The following KIAA1217 variants were observed in gnomAD, a reference collection of about 807,000 sequenced individuals.
KIAA1217 encodes KIAA1217, also known as sickle tail protein homolog.
In KIAA1217, 88 loss-of-function variants were observed where a neutral mutation model predicts 163.9. That is an observed-to-expected ratio of 0.54 (90% CI 0.45 to 0.64). The LOEUF is 0.64. Among genes scored for constraint, KIAA1217 ranks in the 30% least tolerant of loss-of-function variants. The pLI is 0.00. For missense variants in KIAA1217, 2,372 were observed against 2,475.0 expected, an observed-to-expected ratio of 0.96 and a Z score of 0.88; for synonymous variants, 903 against 923.1, an observed-to-expected ratio of 0.98 and a Z score of 0.39.
intron 2 of KIAA1217, among the ~76,000 whole-genome samples, chr10:24,376,939 C>A (rs151137807): frequency 6.6e-6 from 1 of 152,204 alleles, no homozygotes; most frequent in African/African-American, 2.4e-5. Context: ...ATTAGGTTAC[C>A]ACATGACAGT....
intron 5 of KIAA1217, among the ~76,000 whole-genome samples, chr10:24,444,045 T>C (rs2060715486): frequency 6.6e-6 from 1 of 152,100 alleles, no homozygotes; most frequent in African/African-American, 2.4e-5. Context: ...AGAGTCTCAC[T>C]CTGTCACCGG....
chr10:23,800,758 A>G (rs567686171), intron 1 of KIAA1217, among the ~76,000 whole-genome samples: 15 of 152,346 alleles, frequency 9.8e-5, no homozygotes, highest in Admixed American at 3.9e-4. Context: ...AGAAATGCAA[A>G]TCAAAACTAC....
rs149645091 is a variant in KIAA1217 at position 24,282,765 on chromosome 10, A to G, written c.354+62856A>G. 1.3e-3 allele frequency among the ~76,000 whole-genome samples: 201 copies of G among 149,686 alleles called. 2 individuals carry two copies. The highest frequency in any genetic ancestry group is 4.4e-3 in the African/African-American group (180 of 40,662). On this transcript the variant is annotated intron_variant, in intron 2 of 20. Coordinates refer to ENST00000376454, the MANE Select transcript of KIAA1217 (RefSeq NM_019590.5). ...ATTTCCTGCCACAATCCTAAAATCA[A>G]CCATCTCTCTAAGGAGTTCTAAACC...
At chr10:24,005,861 C>T (rs994859826) in intron 1 of KIAA1217, among the ~76,000 whole-genome samples, 15 of 152,110 alleles carry the variant, frequency 9.9e-5, no homozygotes, top group Non-Finnish European at 1.6e-4. Context: ...AGTTTTATGA[C>T]GAAGTGGTCA....
intron 2 of KIAA1217, among the ~76,000 whole-genome samples, chr10:24,378,331 A>T (rs766842497): frequency 6.6e-6 from 1 of 152,158 alleles, no homozygotes; most frequent in Non-Finnish European, 1.5e-5. Flanking sequence ...GTTCAGTCCA[A>T]TCAGGAAAGA....
At chr10:24,001,211 G>A (rs1317325423) in intron 1 of KIAA1217, among the ~76,000 whole-genome samples, 2 of 152,154 alleles carry the variant, frequency 1.3e-5, no homozygotes, top group Non-Finnish European at 2.9e-5. Flanking sequence ...AATAATTGGA[G>A]TTACTTATGT....
intron 1 of KIAA1217, among the ~76,000 whole-genome samples, chr10:23,752,792 T>G (rs769340614): frequency 6.6e-6 from 1 of 152,204 alleles, no homozygotes; most frequent in Non-Finnish European, 1.5e-5. Flanking sequence ...GTCTTTAGAT[T>G]GCTGGTTTAA....
intron 3 of KIAA1217, among the ~76,000 whole-genome samples, chr10:24,382,227 A>G (rs569936141): frequency 4.6e-5 from 7 of 152,258 alleles, no homozygotes; most frequent in Admixed American, 1.3e-4. Context: ...AAGAGGGGAC[A>G]GGAAAAGAGT....
intron 1 of KIAA1217, among the ~76,000 whole-genome samples, chr10:23,986,323 A>G (rs1278563208): frequency 6.6e-6 from 1 of 152,240 alleles, no homozygotes; most frequent in Admixed American, 6.5e-5. Flanking sequence ...ACTGGCCTGA[A>G]TCAAATTACA....
At chr10:24,519,516 T>G (rs2070752176) in intron 10 of KIAA1217, among the ~76,000 whole-genome samples, 1 of 152,098 alleles carries the variant, frequency 6.6e-6, no homozygotes. Context: ...CCAGGGACAT[T>G]GGACAATGTC....
chr10:24,065,414 C>T (rs1490951961), intron 2 of KIAA1217, among the ~76,000 whole-genome samples: 4 of 152,144 alleles, frequency 2.6e-5, no homozygotes, highest in Non-Finnish European at 5.9e-5. Flanking sequence ...AGTAGTCATT[C>T]AGGAGCAGGT....
chr10:23,820,325 A>T (rs898517823), intron 1 of KIAA1217, among the ~76,000 whole-genome samples: 3 of 152,182 alleles, frequency 2.0e-5, no homozygotes, highest in African/African-American at 7.2e-5. Flanking sequence ...TTAAAATTCC[A>T]ACAATTTTGT....
Position 24,546,523 on chromosome 10 carries a change from G to T in KIAA1217, c.*199G>T. On this transcript the variant is annotated 3_prime_UTR_variant, in exon 21 of 21. Transcript: ENST00000376454. ...GTTTTCTTTTTACCTAGTTGCTATA[G>T]TGTCTACAGTCTATACTCAATACCT... 1 of 601,300 alleles carries T rather than the reference G, an allele frequency of 1.7e-6. No individual in the cohort carries two copies. The highest frequency in any genetic ancestry group is 2.9e-6 in the Non-Finnish European group (1 of 350,702). 37.2% of individuals were successfully genotyped at this position (601,300 alleles called of 1,614,324 possible).
chr10:23,790,649 G>GTATA lies in KIAA1217; in HGVS notation c.-321+95416_-321+95417insATAT, dbSNP rs1684723866. On this transcript the variant is annotated intron_variant, in intron 1 of 18. Transcript: ENST00000376462. ...CATATATATGTACATGTATACATAT[G>GTATA]TGTATATATATACATATATATCATA... Among the ~76,000 whole-genome samples the GTATA allele has an allele frequency of 6.0e-5, 8 of 133,532 alleles. 1 individual carries two copies. Among genetic ancestry groups the GTATA allele is most frequent in the African/African-American group, 2.0e-4 (6 of 30,544 alleles). The allele number at this position is 133,532 out of a possible 152,430, so 87.6% of individuals were successfully genotyped here.
At chr10:23,972,770 T>C (rs1312322804) in intron 1 of KIAA1217, among the ~76,000 whole-genome samples, 2 of 152,012 alleles carry the variant, frequency 1.3e-5, no homozygotes, top group Non-Finnish European at 2.9e-5. Flanking sequence ...TGGAATACTA[T>C]GTAGCCATGA....
chr10:24,104,287 G>C (rs922747871), intron 2 of KIAA1217, among the ~76,000 whole-genome samples: 6 of 152,068 alleles, frequency 3.9e-5, no homozygotes, highest in South Asian at 4.2e-4. Context: ...TAAGTGAATG[G>C]ATAAATAAAC....
chr10:24,058,863 G>A (rs1402468459), intron 2 of KIAA1217, among the ~76,000 whole-genome samples: 1 of 151,992 alleles, frequency 6.6e-6, no homozygotes, highest in Non-Finnish European at 1.5e-5. Context: ...CCTTTATGAT[G>A]TAGATGCCTT....
At chr10:24,352,438 CT>C (rs2048566288) in intron 2 of KIAA1217, among the ~76,000 whole-genome samples, 2 of 152,184 alleles carry the variant, frequency 1.3e-5, no homozygotes, top group East Asian at 3.9e-4. Flanking sequence ...CATAAATGGG[CT>C]TGCTGATCTG....
At chr10:23,853,727 C>T (rs544775123) in intron 1 of KIAA1217, among the ~76,000 whole-genome samples, 1 of 152,238 alleles carries the variant, frequency 6.6e-6, no homozygotes, top group South Asian at 2.1e-4. Flanking sequence ...TCAACTTCTT[C>T]CTGGTTTAGT....
Sources: gnomAD v4.1 joint callset for allele counts (sites outside exome capture counted in the v4.1 genomes callset) on GRCh38, gnomAD v4.1.1 for gene constraint, MANE v1.5 for transcripts, NCBI Gene and HGNC (gene_info 2026-07-23, HGNC 2026-07-21) for gene names.